Variants in STK10 observed in about 807,000 individuals in gnomAD.
STK10 encodes serine/threonine kinase 10.
Under a neutral mutation model 113.8 loss-of-function variants are expected in STK10, and 78 were observed. That is an observed-to-expected ratio of 0.69 (90% CI 0.57 to 0.83). STK10 has a LOEUF of 0.83. STK10 is among the 40% of genes least tolerant of loss of function. The pLI, the probability that STK10 is intolerant of heterozygous loss-of-function variation, is 0.00. For synonymous variants in STK10, 465 were observed against 494.7 expected, an observed-to-expected ratio of 0.94 and a Z score of 0.80; for missense variants, 1,109 against 1,280.1, an observed-to-expected ratio of 0.87 and a Z score of 2.04.
intron 4 of STK10, among the ~76,000 whole-genome samples, chr5:172,110,460 T>C (rs370952254): frequency 2.0e-5 from 3 of 152,280 alleles, no homozygotes; most frequent in African/African-American, 7.2e-5. Context: ...CCGGAATGCC[T>C]GGCAGCGAGA....
rs147338553 is a variant in STK10 at position 172,061,216 on chromosome 5, C to T, written c.2135G>A (p.Arg712Lys). The T allele has an allele frequency of 1.5e-5, 25 of 1,613,344 alleles. No individual in the cohort carries two copies. The African/African-American group carries it at 3.1e-4, about 20-fold the overall frequency. Residue 712 changes from arginine (R) to lysine (K), a missense_variant, in exon 14 of 19, where the codon AGG becomes AAG. By Grantham distance (26) the Arg-to-Lys change is conservative. This residue lies in a region of STK10 where 885 missense variants were observed against 991.1 expected (regional missense o/e 0.89). Coordinates refer to ENST00000176763, the MANE Select transcript of STK10 (RefSeq NM_005990.4). ...CTCCCGCCTGTTGTCGGTGGTGAGC[C>T]TCTTCATGGCCAGCTCCAGGTCCTC... is the stretch of plus-strand genomic sequence containing the variant. ...QKEDLELAMK[R>K]LTTDNRREIC...
At chr5:172,075,736 C>T (rs1035766631) in intron 12 of STK10, among the ~76,000 whole-genome samples, 4 of 152,076 alleles carry the variant, frequency 2.6e-5, no homozygotes, top group South Asian at 2.1e-4. Context: ...AGTGAGCACA[C>T]GAAAAGATAC....
At chr5:172,149,181 A>G (rs554344618) in intron 2 of STK10, among the ~76,000 whole-genome samples, 1 of 152,248 alleles carries the variant, frequency 6.6e-6, no homozygotes, top group Admixed American at 6.5e-5. Context: ...ACAAAACTCA[A>G]TCCCACAGAA....
At chr5:172,102,735 TGTGATAGA>T (rs1769017666) in intron 7 of STK10, among the ~76,000 whole-genome samples, 1 of 152,128 alleles carries the variant, frequency 6.6e-6, no homozygotes, top group East Asian at 1.9e-4. Context: ...CAAGAGCAGC[TGTGATAGA>T]GTGGACGGGT....
intron 10 of STK10, among the ~76,000 whole-genome samples, chr5:172,089,269 T>C (rs1768634293): frequency 3.3e-5 from 5 of 152,244 alleles, no homozygotes; most frequent in Admixed American, 2.6e-4. Context: ...TTTCATGGCA[T>C]GTACCACAAT....
intron 18 of STK10, among the ~76,000 whole-genome samples, chr5:172,047,899 G>GTTTTTTTTTTTTTTT (rs11438537): frequency 9.1e-6 from 1 of 109,802 alleles, no homozygotes; most frequent in Non-Finnish European, 1.8e-5. Context: ...TGTTTTTTGG[G>GTTTTTTTTTTTTTTT]TTTTTTTTTT....
chr5:172,179,706 T>C (rs1770817540), intron 1 of STK10, among the ~76,000 whole-genome samples: 1 of 152,184 alleles, frequency 6.6e-6, no homozygotes, highest in South Asian at 2.1e-4. Flanking sequence ...TAGCATGGAC[T>C]TGGGTTTAAA....
chr5:172,185,031 G>A (rs1770928771), intron 1 of STK10, among the ~76,000 whole-genome samples: 1 of 152,096 alleles, frequency 6.6e-6, no homozygotes, highest in Non-Finnish European at 1.5e-5. Context: ...TATCGATTGT[G>A]GATCGGATGA....
chr5:172,176,430 G>A (rs754043931), intron 1 of STK10, among the ~76,000 whole-genome samples: 1 of 152,070 alleles, frequency 6.6e-6, no homozygotes, highest in Non-Finnish European at 1.5e-5. Flanking sequence ...GCTCTGATTC[G>A]GGTTCCAACT....
chr5:172,136,524 G>A (rs909565990), intron 2 of STK10, among the ~76,000 whole-genome samples: 8 of 152,188 alleles, frequency 5.3e-5, no homozygotes, highest in Admixed American at 1.3e-4. Flanking sequence ...GTGAACCCAG[G>A]AGGCAGAGCT....
chr5:172,061,367 A>C, intron 13 of STK10, 99 bp from the exon 14 acceptor site: 1 of 1,469,986 alleles, frequency 6.8e-7, no homozygotes, highest in Non-Finnish European at 9.0e-7. Context: ...ATCAGAGAAG[A>C]AAATGCAGGA....
At chr5:172,111,808 A>G (rs1032056203) in intron 4 of STK10, among the ~76,000 whole-genome samples, 1 of 152,266 alleles carries the variant, frequency 6.6e-6, no homozygotes, top group African/African-American at 2.4e-5. Context: ...GAAGCACTCA[A>G]CAGGTTTATC....
intron 10 of STK10, among the ~76,000 whole-genome samples, chr5:172,087,438 C>A (rs1768592653): frequency 6.6e-6 from 1 of 151,116 alleles, no homozygotes; most frequent in Non-Finnish European, 1.5e-5. Flanking sequence ...CCACAGCTGG[C>A]TAATTTTTGT....
intron 17 of STK10, among the ~76,000 whole-genome samples, chr5:172,054,191 CA>C (rs1193033478): frequency 3.3e-5 from 5 of 152,290 alleles, no homozygotes; most frequent in Non-Finnish European, 7.4e-5. Context: ...GGAATTACCA[CA>C]GCAAAAGCAG....
At chr5:172,091,795 G>T (rs1210273029) in intron 9 of STK10, among the ~76,000 whole-genome samples, 3 of 152,196 alleles carry the variant, frequency 2.0e-5, no homozygotes, top group Admixed American at 1.3e-4. Context: ...GCCTCCCAAA[G>T]TGCTGGGATT....
chr5:172,067,954 C>T (rs1768104056), intron 12 of STK10, among the ~76,000 whole-genome samples: 1 of 152,140 alleles, frequency 6.6e-6, no homozygotes, highest in Admixed American at 6.5e-5. Context: ...AGAAATGTGA[C>T]ATATTAACAC....
Position 172,082,550 on chromosome 5 carries a change from T to C in STK10, c.1810-45A>G, listed in dbSNP as rs1768457646. Reference sequence around the variant, plus strand: ...TGAGAAACTTAGCGAAGTCACTTTATACCTGGGAGGGACATGGGAAGTGGA... The same window carrying C: ...TGAGAAACTTAGCGAAGTCACTTTACACCTGGGAGGGACATGGGAAGTGGA... On this transcript the variant is annotated intron_variant, in intron 11 of 18. Coordinates refer to ENST00000176763, the MANE Select transcript of STK10 (RefSeq NM_005990.4). The surrounding 1 kb of genome is among the most constrained non-coding windows in gnomAD (Gnocchi z 4.3). The C allele has an allele frequency of 1.3e-6, 2 of 1,533,042 alleles. No homozygotes were observed. Among genetic ancestry groups the C allele is most frequent in the Non-Finnish European group, 1.8e-6 (2 of 1,141,072 alleles). 95.0% of individuals were successfully genotyped at this position (1,533,042 alleles called of 1,614,324 possible).
At chr5:172,164,211 TAAAAAAAA>T (rs57573746) in intron 1 of STK10, among the ~76,000 whole-genome samples, 3 of 84,624 alleles carry the variant, frequency 3.5e-5, no homozygotes, top group South Asian at 4.2e-4. Flanking sequence ...AAACTCCATC[TAAAAAAAA>T]AAAAAAAAAA....
intron 2 of STK10, among the ~76,000 whole-genome samples, chr5:172,130,859 G>C (rs956039062): frequency 1.3e-5 from 2 of 152,096 alleles, no homozygotes; most frequent in Non-Finnish European, 2.9e-5. Flanking sequence ...GAAATCACCA[G>C]TAAGTTTCAT....
Sources: gnomAD v4.1 joint callset for allele counts (sites outside exome capture counted in the v4.1 genomes callset) on GRCh38, gnomAD v4.1.1 for gene constraint, gnomAD v4.1.1 regional missense constraint, Gnocchi (gnomAD v3.1) non-coding constraint, MANE v1.5 for transcripts, NCBI Gene and HGNC (gene_info 2026-07-23, HGNC 2026-07-21) for gene names.